Variants in HDLBP observed in about 807,000 individuals in gnomAD.
HDLBP encodes the protein vigilin.
A neutral mutation model predicts 137.3 loss-of-function variants in HDLBP; 30 were observed. The observed-to-expected ratio is 0.22, with a 90% CI of 0.16 to 0.30. The LOEUF is 0.30. Ranked by LOEUF, HDLBP falls within the 10% of genes least tolerant of loss-of-function variation. The pLI is 1.00. For synonymous variants in HDLBP, 606 were observed against 596.0 expected (o/e 1.02, Z -0.24); for missense variants, 1,119 against 1,667.3 (o/e 0.67, Z 5.73).
At chr2:241,295,302 T>C (rs1207878869) in intron 1 of HDLBP, among the ~76,000 whole-genome samples, 2 of 152,156 alleles carry the variant, frequency 1.3e-5, no homozygotes. Context: ...AGCAACAGAA[T>C]GACCAAGATG....
At position 241,310,979 on chromosome 2, in the gene HDLBP, C is replaced by T. The variant is rs569668887; in HGVS notation, c.-103+4591G>A. Among the ~76,000 whole-genome samples the T allele has an allele frequency of 1.9e-4, 29 of 152,046 alleles. 1 individual carries two copies. The South Asian group carries it at 5.2e-3, about 27-fold the overall frequency. ...AGTTTTTAAAATTATCCAGGTGTGG[C>T]GGTGCATGCCTGTAGTCCCAGGTAC... is the stretch of plus-strand genomic sequence containing the variant. On this transcript the variant is annotated intron_variant, in intron 1 of 27. Coordinates refer to ENST00000310931, the MANE Select transcript of HDLBP (RefSeq NM_005336.6).
chr2:241,312,163 T>C (rs964349246), intron 1 of HDLBP, among the ~76,000 whole-genome samples: 4 of 152,182 alleles, frequency 2.6e-5, no homozygotes, highest in Admixed American at 2.6e-4. Context: ...AAGATTAATA[T>C]GAATGCTAAT....
chr2:241,248,863 T>C lies in HDLBP; in HGVS notation c.1513-515A>G, dbSNP rs1015689609. 5.5e-4 allele frequency among the ~76,000 whole-genome samples: 84 copies of C among 152,126 alleles called. 1 individual carries two copies. Among genetic ancestry groups the C allele is most frequent in the African/African-American group, 2.0e-3 (83 of 41,494 alleles). On this transcript the variant is annotated intron_variant, in intron 12 of 27. Coordinates refer to ENST00000310931, the MANE Select transcript of HDLBP (RefSeq NM_005336.6). ...GCTCTCAACTCCTCCACAGGCCCCA[T>C]TAAAATGTCAGAAGAAATACAGAAT... is the stretch of plus-strand genomic sequence containing the variant.
chr2:241,256,842 T>G (rs1466432182), intron 5 of HDLBP, 36 bp from the exon 6 acceptor site: 3 of 1,569,444 alleles, frequency 1.9e-6, no homozygotes, highest in South Asian at 2.2e-5. Context: ...AACAAGAATA[T>G]TTGTAGGTTC....
At chr2:241,311,955 G>C (rs927269281) in intron 1 of HDLBP, among the ~76,000 whole-genome samples, 2 of 152,172 alleles carry the variant, frequency 1.3e-5, no homozygotes, top group South Asian at 2.1e-4. Flanking sequence ...AGGGGTAGGA[G>C]ACACAAATAC....
intron 24 of HDLBP, among the ~76,000 whole-genome samples, chr2:241,232,540 T>C (rs943963637): frequency 1.3e-5 from 2 of 152,214 alleles, no homozygotes; most frequent in African/African-American, 2.4e-5. Context: ...CCTCCAAAAG[T>C]GTTGGGATTA....
chr2:241,236,527 C>T, intron 21 of HDLBP, 88 bp downstream of exon 21: 1 of 1,370,218 alleles, frequency 7.3e-7, no homozygotes, highest in Non-Finnish European at 1.0e-6. Context: ...GCTTGGGCAA[C>T]CGTCCATCCC....
Position 241,242,522 on chromosome 2 carries a change from T to A in HDLBP, c.2107A>T (p.Arg703Trp). 6.2e-7 allele frequency: 1 copy of A among 1,614,174 alleles called. No homozygotes were observed. Among genetic ancestry groups the A allele is most frequent in the Non-Finnish European group, 8.5e-7 (1 of 1,180,042 alleles). The stretch of plus-strand genomic sequence containing the variant: ...TTCTCCACATCCGAGGAAGGGCCCC[T>A]GATAACAACGGTGTCGCTTCCTGAA... ...EGSGSDTVVIRGPSSDVEKAK... is the reference protein window; with the variant it reads ...EGSGSDTVVIWGPSSDVEKAK... The change falls in exon 17 of 28, where the codon AGG becomes TGG. Residue 703 changes from arginine (R) to tryptophan (W), a missense_variant. Arg to Trp is a moderately radical substitution (Grantham distance 101). Around this residue, in one of 4 missense-constraint regions of HDLBP, gnomAD observed 618 missense variants for 816.7 expected, o/e 0.76. Coordinates refer to ENST00000310931, the MANE Select transcript of HDLBP (RefSeq NM_005336.6).
At chr2:241,245,021 G>A (rs1438111378) in intron 16 of HDLBP, among the ~76,000 whole-genome samples, 1 of 151,892 alleles carries the variant, frequency 6.6e-6, no homozygotes, top group African/African-American at 2.4e-5. Flanking sequence ...ATTAAAAAAC[G>A]ATTAAAATGA....
chr2:241,276,404 AAG>A (rs767074870), intron 1 of HDLBP, among the ~76,000 whole-genome samples: 2 of 152,304 alleles, frequency 1.3e-5, no homozygotes, highest in African/African-American at 2.4e-5. Context: ...TGTTAAAGAA[AAG>A]AGAGAAAACA....
chr2:241,247,139 C>T lies in HDLBP; in HGVS notation c.1735G>A (p.Glu579Lys). Residue 579 changes from glutamate to lysine, a missense_variant, in exon 15 of 28, where the codon GAA becomes AAA. Physicochemically the swap from Glu to Lys is moderately conservative, Grantham distance 56. Transcript: ENST00000310931. ...GGAACAGAAATTGAATAGCTATTTT[C>T]CACCTTAAAGACAAAAAACACAGCC... The part of the protein sequence containing the change: ...YMQKMVADLV[E>K]NSYSISVPIF... The T allele has an allele frequency of 6.2e-7, 1 of 1,606,200 alleles. No individual in the cohort carries two copies. Among genetic ancestry groups the T allele is most frequent in the East Asian group, 2.2e-5 (1 of 44,848 alleles).
intron 14 of HDLBP, 64 bp from the exon 15 acceptor site, chr2:241,247,206 T>A: frequency 9.7e-7 from 1 of 1,034,994 alleles, no homozygotes; most frequent in Non-Finnish European, 1.5e-6. Flanking sequence ...CAGTATCCCT[T>A]CTACCCCTAA....
intron 9 of HDLBP, among the ~76,000 whole-genome samples, chr2:241,254,268 A>G (rs1006416631): frequency 6.6e-6 from 1 of 152,158 alleles, no homozygotes; most frequent in Admixed American, 6.5e-5. Flanking sequence ...TGTCACTAAA[A>G]AAAAGGAATA....
intron 1 of HDLBP, among the ~76,000 whole-genome samples, chr2:241,298,059 A>G (rs2075249418): frequency 7.3e-6 from 1 of 136,896 alleles, no homozygotes; most frequent in Admixed American, 7.4e-5. Flanking sequence ...AAAAAAAAAA[A>G]AAAAAAAAAA....
chr2:241,233,865 C>T lies in HDLBP; in HGVS notation c.3243G>A (p.Glu1081=), dbSNP rs375987018. Reference sequence around the variant, plus strand: ...CAGGAAACTGGATGTTCACGTCATGCTCCAACCGGATTTGGGTAATTACTG... The same window carrying T: ...CAGGAAACTGGATGTTCACGTCATGTTCCAACCGGATTTGGGTAATTACTG... The part of the protein sequence containing the change: ...KGAVITQIRL[E]HDVNIQFPDK... The change falls in exon 24 of 28, where the codon GAG becomes GAA. Residue 1081 remains glutamate (E), a synonymous_variant. Transcript: ENST00000310931. This position sits in a 1 kb window ranked among gnomAD's most constrained non-coding sequence, Gnocchi z 4.3. 5.5e-5 allele frequency: 89 copies of T among 1,614,106 alleles called. No homozygotes were observed. The highest frequency in any genetic ancestry group is 7.3e-5 in the Non-Finnish European group (86 of 1,180,044).
rs761574565 is a variant in HDLBP, at chr2:241,252,987, T to C, written c.1342A>G (p.Arg448Gly). Residue 448 changes from arginine (R) to glycine (G), a missense_variant, in exon 11 of 28, where the codon AGG (arginine) becomes GGG (glycine). Coordinates refer to ENST00000310931, the MANE Select transcript of HDLBP (RefSeq NM_005336.6). ...VEINIDHKFH[R>G]HLIGKSGANI... ...GCACCGCTCTTCCCAATGAGGTGCC[T>C]GTGGAACTTGTGGTCGATGTTGATC... The C allele has an allele frequency of 6.2e-7, 1 of 1,608,814 alleles. No individual in the cohort carries two copies. Among genetic ancestry groups the C allele is most frequent in the Non-Finnish European group, 8.5e-7 (1 of 1,175,458 alleles).
chr2:241,306,059 C>A (rs1466152863), intron 1 of HDLBP, among the ~76,000 whole-genome samples: 1 of 151,312 alleles, frequency 6.6e-6, no homozygotes, highest in East Asian at 2.0e-4. Context: ...CGCGCCCGGC[C>A]AAAAAGTTTT....
intron 1 of HDLBP, among the ~76,000 whole-genome samples, chr2:241,292,348 A>G (rs1213980530): frequency 6.6e-6 from 1 of 152,224 alleles, no homozygotes; most frequent in African/African-American, 2.4e-5. Context: ...TTGCCTTCAT[A>G]AATAAATGGC....
chr2:241,268,038 A>G (rs1021131121), intron 2 of HDLBP: 14 of 854,064 alleles, frequency 1.6e-5, no homozygotes, highest in Non-Finnish European at 1.7e-5. Flanking sequence ...AAACTACTAC[A>G]GTGAGGAAGA....
Sources: gnomAD v4.1 joint callset for allele counts (sites outside exome capture counted in the v4.1 genomes callset) on GRCh38, gnomAD v4.1.1 for gene constraint, gnomAD v4.1.1 regional missense constraint, Gnocchi (gnomAD v3.1) non-coding constraint, MANE v1.5 for transcripts, NCBI Gene and HGNC (gene_info 2026-07-23, HGNC 2026-07-21) for gene names.